STXBP5L: variants seen among roughly 807,000 people sequenced by gnomAD.
The protein encoded by STXBP5L is syntaxin binding protein 5L, also known as syntaxin-binding protein 5-like.
A neutral mutation model predicts 144.5 loss-of-function variants in STXBP5L; 65 were observed. The observed-to-expected ratio is 0.45, with a 90% CI of 0.37 to 0.55. STXBP5L has a LOEUF of 0.55. Ranked by LOEUF, STXBP5L falls within the 20% of genes least tolerant of loss-of-function variation. The pLI is 0.00. For missense variants in STXBP5L, 1,298 were observed against 1,405.5 expected, an observed-to-expected ratio of 0.92 and a Z score of 1.22; for synonymous variants, 505 against 469.6, an observed-to-expected ratio of 1.08 and a Z score of -0.97.
intron 3 of STXBP5L, among the ~76,000 whole-genome samples, chr3:120,973,958 T>A (rs58047229): frequency 6.6e-6 from 1 of 151,822 alleles, no homozygotes; most frequent in African/African-American, 2.4e-5. Flanking sequence ...ACATTTGGGT[T>A]GGTTCCAAGT....
intron 3 of STXBP5L, among the ~76,000 whole-genome samples, chr3:120,988,605 T>G (rs1441480382): frequency 6.6e-6 from 1 of 152,134 alleles, no homozygotes; most frequent in South Asian, 2.1e-4. Context: ...TATTCTATAT[T>G]TGTCAAATAG....
chr3:121,248,591 G>C (rs2049933470), intron 14 of STXBP5L, among the ~76,000 whole-genome samples: 2 of 152,106 alleles, frequency 1.3e-5, no homozygotes, highest in Admixed American at 6.5e-5. Flanking sequence ...CCATTGTGTA[G>C]GTTGTCTGTT....
intron 3 of STXBP5L, among the ~76,000 whole-genome samples, chr3:121,037,035 TC>T (rs1424311878): frequency 1.3e-5 from 2 of 152,044 alleles, no homozygotes; most frequent in African/African-American, 4.8e-5. Context: ...CAGGCAATCC[TC>T]CCACTTAAGC....
intron 7 of STXBP5L, among the ~76,000 whole-genome samples, chr3:121,124,396 A>G (rs1400867524): frequency 6.6e-6 from 1 of 151,938 alleles, no homozygotes; most frequent in Non-Finnish European, 1.5e-5. Context: ...CTTATAGAAA[A>G]TTTACATGTT....
At chr3:120,938,485 C>T (rs758288603) in intron 2 of STXBP5L, among the ~76,000 whole-genome samples, 59 of 152,100 alleles carry the variant, frequency 3.9e-4, no homozygotes, top group Admixed American at 1.2e-3. Flanking sequence ...TTGATATATG[C>T]GACCAAATTG....
At chr3:121,097,045 G>C (rs1280852398) in intron 5 of STXBP5L, among the ~76,000 whole-genome samples, 1 of 152,166 alleles carries the variant, frequency 6.6e-6, no homozygotes, top group Non-Finnish European at 1.5e-5. Context: ...GCCCTGCCCG[G>C]AGAGGAGAAA....
At chr3:121,204,022 G>A (rs1322143813) in intron 9 of STXBP5L, among the ~76,000 whole-genome samples, 3 of 152,138 alleles carry the variant, frequency 2.0e-5, no homozygotes, top group East Asian at 3.9e-4. Flanking sequence ...GGTGGATCAC[G>A]AGGTCAGGAG....
At chr3:121,081,046 T>C (rs2042227918) in intron 5 of STXBP5L, among the ~76,000 whole-genome samples, 1 of 152,136 alleles carries the variant, frequency 6.6e-6, no homozygotes. Flanking sequence ...TTGGAGACTT[T>C]ATTTTTTTAA....
chr3:121,005,925 T>G (rs557479604), intron 3 of STXBP5L, among the ~76,000 whole-genome samples: 48 of 152,302 alleles, frequency 3.2e-4, no homozygotes, highest in African/African-American at 1.1e-3. Flanking sequence ...GACAGTTTGT[T>G]ATGATTTCTG....
intron 19 of STXBP5L, among the ~76,000 whole-genome samples, chr3:121,299,279 G>A (rs1312211559): frequency 3.3e-5 from 5 of 152,144 alleles, no homozygotes; most frequent in African/African-American, 9.7e-5. Flanking sequence ...TTAAGCTGGT[G>A]ATGTTTTTCC....
At chr3:121,092,617 A>G (rs2042874035) in intron 5 of STXBP5L, among the ~76,000 whole-genome samples, 1 of 152,122 alleles carries the variant, frequency 6.6e-6, no homozygotes, top group South Asian at 2.1e-4. Context: ...TTGTACATTG[A>G]TTTTGCATCC....
At chr3:121,006,923 T>G (rs995482061) in intron 3 of STXBP5L, among the ~76,000 whole-genome samples, 2 of 152,206 alleles carry the variant, frequency 1.3e-5, no homozygotes, top group Admixed American at 6.5e-5. Flanking sequence ...AGATCACCTG[T>G]TAGTCTGATG....
intron 19 of STXBP5L, among the ~76,000 whole-genome samples, chr3:121,313,259 CAGA>C (rs2043618213): frequency 3.5e-5 from 5 of 144,244 alleles, no homozygotes; most frequent in Admixed American, 1.3e-4. Context: ...GCTGGCCGGG[CAGA>C]GGGGCTCCTC....
chr3:121,161,930 G>A (rs529359769), intron 9 of STXBP5L, among the ~76,000 whole-genome samples: 3 of 152,104 alleles, frequency 2.0e-5, no homozygotes, highest in African/African-American at 7.2e-5. Flanking sequence ...AATGAAATAT[G>A]ATATTTAAAA....
chr3:120,960,219 A>G (rs931385752), intron 3 of STXBP5L, among the ~76,000 whole-genome samples: 1 of 152,248 alleles, frequency 6.6e-6, no homozygotes, highest in African/African-American at 2.4e-5. Flanking sequence ...ATACCATCTC[A>G]TGCCAGTTAG....
chr3:121,328,342 A>G (rs1313533453), intron 20 of STXBP5L, among the ~76,000 whole-genome samples: 3 of 152,222 alleles, frequency 2.0e-5, no homozygotes, highest in East Asian at 1.9e-4. Flanking sequence ...GACAATTGTT[A>G]TCCTTATTTT....
chr3:121,311,058 T>C (rs916368158), intron 19 of STXBP5L, among the ~76,000 whole-genome samples: 13 of 152,192 alleles, frequency 8.5e-5, no homozygotes, highest in Admixed American at 2.0e-4. Flanking sequence ...CAGTCCAACA[T>C]AAAAAATAAG....
chr3:121,381,673 T>C, intron 22 of STXBP5L, 141 bp downstream of exon 22: 1 of 1,047,904 alleles, frequency 9.5e-7, no homozygotes, highest in Non-Finnish European at 1.3e-6. Context: ...ATTTTATACA[T>C]CATATACCAT....
At chr3:121,138,043 C>A (rs1040112159) in intron 7 of STXBP5L, among the ~76,000 whole-genome samples, 1 of 152,038 alleles carries the variant, frequency 6.6e-6, no homozygotes, top group Non-Finnish European at 1.5e-5. Flanking sequence ...AAATACTCCA[C>A]TAAAAGGCTT....
Sources: allele counts gnomAD v4.1 joint callset (sites outside exome capture counted in the v4.1 genomes callset), GRCh38; gene constraint gnomAD v4.1.1; transcripts MANE v1.5; gene names NCBI Gene and HGNC (gene_info 2026-07-23, HGNC 2026-07-21).